The following SMCO2 variants were observed in gnomAD, a reference collection of about 807,000 sequenced individuals.
SMCO2 encodes the protein single-pass membrane and coiled-coil domain-containing protein 2.
SMCO2 carries 25 observed loss-of-function variants against 29.5 expected under a neutral mutation model. The ratio of observed to expected loss-of-function variants is 0.85; its 90% CI spans 0.62 to 1.18. SMCO2 has a LOEUF of 1.18. Ranked by LOEUF, SMCO2 falls within the 50% of genes most tolerant of loss-of-function variation. The pLI is 0.00. For synonymous variants in SMCO2, 117 were observed against 123.3 expected (o/e 0.95, Z 0.34); for missense variants, 348 against 344.5 (o/e 1.01, Z -0.08).
chr12:27,470,681 A>G lies in SMCO2; in HGVS notation c.50A>G (p.Lys17Arg), dbSNP rs1949533753. ...AATAACAAAATGTCTCTGCAGATGA[A>G]GATGGACTGCCAGGAACAACAGCTG... The change falls in exon 2 of 8, where the codon AAG becomes AGG. Residue 17 changes from lysine to arginine, a missense_variant. Physicochemically the swap from Lys to Arg is conservative, Grantham distance 26 (BLOSUM62 2). Coordinates refer to ENST00000298876, the Ensembl canonical transcript of SMCO2. The G allele has an allele frequency of 3.2e-6, 5 of 1,551,226 alleles. No homozygotes were observed. The South Asian group carries it at 3.6e-5, about 11-fold the overall frequency.
chr12:27,479,580 G>A (rs963934750), intron 4 of SMCO2, among the ~76,000 whole-genome samples: 34 of 152,238 alleles, frequency 2.2e-4, no homozygotes, highest in African/African-American at 5.5e-4. Flanking sequence ...CTGTGTCCCC[G>A]CCCAAATCTC....
the SMCO2 span, among the ~76,000 whole-genome samples, chr12:27,437,643 C>T: frequency 1.3e-5 from 2 of 151,992 alleles, no homozygotes; most frequent in East Asian, 1.9e-4. Context: ...CTGGCATGAA[C>T]AGTTCACAAA....
chr12:27,467,650 G>A (rs189496637), intron 1 of SMCO2, among the ~76,000 whole-genome samples: 27 of 152,208 alleles, frequency 1.8e-4, no homozygotes, highest in African/African-American at 5.5e-4. Context: ...CCATTAAGAC[G>A]CATTGGGCAT....
chr12:27,460,746 G>T, the SMCO2 span, among the ~76,000 whole-genome samples: 14 of 152,278 alleles, frequency 9.2e-5, no homozygotes, highest in Non-Finnish European at 1.8e-4. Flanking sequence ...TGTTCTTCAA[G>T]GTTTGACTGT....
chr12:27,472,348 T>C (rs1036579647), intron 2 of SMCO2, among the ~76,000 whole-genome samples: 1 of 152,152 alleles, frequency 6.6e-6, no homozygotes, highest in East Asian at 1.9e-4. Flanking sequence ...TAGTAAACAT[T>C]GTGAGGAGGA....
At chr12:27,446,331 T>A in the SMCO2 span, among the ~76,000 whole-genome samples, 1 of 152,142 alleles carries the variant, frequency 6.6e-6, no homozygotes, top group Non-Finnish European at 1.5e-5. Context: ...GTGCCTCTTC[T>A]TATAAGGGCA....
At chr12:27,478,084 G>C (rs1369624314) in intron 4 of SMCO2, among the ~76,000 whole-genome samples, 3 of 152,144 alleles carry the variant, frequency 2.0e-5, no homozygotes, top group African/African-American at 7.2e-5. Context: ...TCCTAAAGCT[G>C]TATTTATAGT....
At chr12:27,487,849 C>A (rs2135566640) in intron 4 of SMCO2, among the ~76,000 whole-genome samples, 1 of 149,972 alleles carries the variant, frequency 6.7e-6, no homozygotes, top group African/African-American at 2.5e-5. Flanking sequence ...TATTGACCAT[C>A]CTTTTGTATG....
chr12:27,500,243 T>C (rs148096585), intron 7 of SMCO2, among the ~76,000 whole-genome samples: 2,813 of 150,436 alleles, frequency 0.019, 296 homozygotes, highest in African/African-American at 0.067. Context: ...TATTGACTTG[T>C]AAATAAAAAT....
chr12:27,474,798 C>T (rs1949570405), exon 4 of SMCO2: 2 of 1,551,644 alleles, frequency 1.3e-6, no homozygotes, highest in Non-Finnish European at 1.7e-6. Context: ...TATGTTGGAG[C>T]TAGAGGCTGA....
intron 4 of SMCO2, among the ~76,000 whole-genome samples, chr12:27,484,250 G>A (rs930013462): frequency 9.9e-5 from 15 of 152,030 alleles, no homozygotes; most frequent in African/African-American, 3.6e-4. Flanking sequence ...AATTAGCTGG[G>A]CGCCTGTAAT....
intron 4 of SMCO2, among the ~76,000 whole-genome samples, chr12:27,482,581 A>G (rs1265003812): frequency 6.6e-6 from 1 of 152,172 alleles, no homozygotes; most frequent in Non-Finnish European, 1.5e-5. Context: ...GATTACAGGC[A>G]TGAGCCACCA....
At chr12:27,492,349 A>C (rs2135573038) in intron 5 of SMCO2, among the ~76,000 whole-genome samples, 1 of 152,278 alleles carries the variant, frequency 6.6e-6, no homozygotes, top group Middle Eastern at 3.4e-3. Flanking sequence ...TTGCCGTTAC[A>C]AACTATGCCT....
At chr12:27,451,075 T>C in the SMCO2 span, among the ~76,000 whole-genome samples, 7 of 152,244 alleles carry the variant, frequency 4.6e-5, no homozygotes, top group African/African-American at 1.7e-4. Flanking sequence ...AAGATACAAA[T>C]ATATCTGTCA....
At chr12:27,457,571 C>T in the SMCO2 span, among the ~76,000 whole-genome samples, 3 of 152,350 alleles carry the variant, frequency 2.0e-5, no homozygotes, top group South Asian at 6.2e-4. Context: ...TCCTGAGAAG[C>T]ATTCTGAGCA....
At chr12:27,485,347 T>C (rs1279790693) in intron 4 of SMCO2, among the ~76,000 whole-genome samples, 1 of 152,034 alleles carries the variant, frequency 6.6e-6, no homozygotes, top group Non-Finnish European at 1.5e-5. Context: ...TGTTTTTCTC[T>C]ACCTTCTTGG....
At chr12:27,442,343 A>G in the SMCO2 span, among the ~76,000 whole-genome samples, 1 of 152,202 alleles carries the variant, frequency 6.6e-6, no homozygotes, top group Non-Finnish European at 1.5e-5. Context: ...ACTCAAATAA[A>G]TAAAATCAGA....
chr12:27,428,834 T>TTTTC, the SMCO2 span, among the ~76,000 whole-genome samples: 1 of 151,212 alleles, frequency 6.6e-6, no homozygotes, highest in African/African-American at 2.4e-5. Context: ...TTTTTTTTTT[T>TTTTC]TTACAAAACT....
upstream of SMCO2, among the ~76,000 whole-genome samples, chr12:27,462,865 T>C (rs1949469032): frequency 6.6e-6 from 1 of 152,246 alleles, no homozygotes; most frequent in Non-Finnish European, 1.5e-5. Flanking sequence ...CTGAAATCTC[T>C]GGGCCCTCGG....
Sources: allele counts gnomAD v4.1 joint callset (sites outside exome capture counted in the v4.1 genomes callset), GRCh38; gene constraint gnomAD v4.1.1; transcripts MANE v1.5; gene names NCBI Gene and HGNC (gene_info 2026-07-23, HGNC 2026-07-21).